Variants in E2F7 observed in about 807,000 individuals in gnomAD.
E2F7 encodes E2F transcription factor 7.
A neutral mutation model predicts 81.1 loss-of-function variants in E2F7; 35 were observed. The ratio of observed to expected loss-of-function variants is 0.43; its 90% CI spans 0.33 to 0.57. E2F7 has a LOEUF of 0.57. Among genes scored for constraint, E2F7 ranks in the 20% least tolerant of loss-of-function variants. The pLI, the probability that E2F7 is intolerant of heterozygous loss-of-function variation, is 0.04. For synonymous variants in E2F7, 416 were observed against 416.2 expected (o/e 1.00, Z 0.01); for missense variants, 961 against 1,093.7 (o/e 0.88, Z 1.71).
intron 9 of E2F7, 33 bp downstream of exon 9, chr12:77,033,017 A>C: frequency 6.3e-7 from 1 of 1,587,240 alleles, no homozygotes; most frequent in Non-Finnish European, 8.6e-7. Flanking sequence ...GAGATAGAAA[A>C]GAATACACTC....
Position 77,054,651 on chromosome 12 carries a change from G to T in E2F7, c.369+1204C>A, listed in dbSNP as rs1955017418. Among the ~76,000 whole-genome samples, 3 of 152,054 alleles carry T rather than the reference G, an allele frequency of 2.0e-5. No homozygotes were observed. In the South Asian group the frequency reaches 6.2e-4, roughly 32 times the overall value. On this transcript the variant is annotated intron_variant, in intron 3 of 12. Transcript: ENST00000322886. ...TGGGTAGAAAACCAAAATTTTAATT[G>T]TTTTAGGGGCGTGTTAAACAACTAG...
chr12:77,064,877 AGT>A (rs1462656577), intron 1 of E2F7, among the ~76,000 whole-genome samples: 1 of 152,226 alleles, frequency 6.6e-6, no homozygotes, highest in Non-Finnish European at 1.5e-5. Flanking sequence ...CTACAAAAAT[AGT>A]AACTCCTTAT....
chr12:77,057,106 G>A (rs1282508069), intron 2 of E2F7, among the ~76,000 whole-genome samples: 1 of 151,830 alleles, frequency 6.6e-6, no homozygotes, highest in African/African-American at 2.4e-5. Flanking sequence ...AGGCTGGAGG[G>A]CAGTGGCATG....
chr12:77,040,427 A>G (rs1954885292), intron 7 of E2F7, among the ~76,000 whole-genome samples: 1 of 152,234 alleles, frequency 6.6e-6, no homozygotes, highest in Non-Finnish European at 1.5e-5. Flanking sequence ...AAGGCAGAGT[A>G]CCGCCTGATT....
chr12:77,050,819 G>A (rs1167749018), intron 3 of E2F7, 75 bp from the exon 4 acceptor site: 9 of 1,495,532 alleles, frequency 6.0e-6, no homozygotes, highest in Non-Finnish European at 8.2e-6. Context: ...AATGGCCAGT[G>A]TTGGCAAACT....
intron 4 of E2F7, among the ~76,000 whole-genome samples, chr12:77,049,199 C>G (rs1437309453): frequency 6.6e-6 from 1 of 152,096 alleles, no homozygotes; most frequent in Non-Finnish European, 1.5e-5. Context: ...CATGTGAATG[C>G]AACTGATACA....
chr12:77,053,657 A>C (rs1182185994), intron 3 of E2F7, among the ~76,000 whole-genome samples: 2 of 152,236 alleles, frequency 1.3e-5, no homozygotes, highest in Admixed American at 1.3e-4. Flanking sequence ...TATTAGCCCT[A>C]AACTGCAAAC....
Position 77,056,036 on chromosome 12 carries a change from T to C in E2F7, c.188A>G (p.Glu63Gly), listed in dbSNP as rs767151292. The C allele has an allele frequency of 3.7e-6, 6 of 1,614,152 alleles. No homozygotes were observed. The South Asian group carries it at 6.6e-5, about 18-fold the overall frequency. ...CTTAACTGGAGTAATGGGATTTCTT[T>C]CTGGAGTAAATTTTTTTTGCTTCGA... ...DLSKQKKFTP[E>G]RNPITPVKFV... Residue 63 changes from glutamate to glycine, a missense_variant, in exon 3 of 13, where the codon GAA (glutamate) becomes GGA (glycine). By Grantham distance (98) the Glu-to-Gly change is moderately conservative (BLOSUM62 -2). Around this residue, in one of 3 missense-constraint regions of E2F7, gnomAD observed 301 missense variants for 405.0 expected, o/e 0.74. Transcript: ENST00000322886.
In E2F7 at chr12:77,053,034, T is replaced by C. The variant is rs80007060; in HGVS notation, c.370-2290A>G. Among the ~76,000 whole-genome samples the C allele has an allele frequency of 2.6e-3, 391 of 152,262 alleles. 13 individuals carry two copies. In the East Asian group the frequency reaches 0.066, roughly 26 times the overall value. On this transcript the variant is annotated intron_variant, in intron 3 of 12. Transcript: ENST00000322886. ...ACAATTTCAAGTGTCAGAGAGGATA[T>C]GGGTGACTAAAAGTTTATATATTTC...
intron 2 of E2F7, among the ~76,000 whole-genome samples, chr12:77,056,457 TA>T (rs1217438604): frequency 6.6e-6 from 1 of 152,218 alleles, no homozygotes; most frequent in African/African-American, 2.4e-5. Context: ...ATATTGTTTC[TA>T]AGTGTCACCT....
chr12:77,027,883 C>G lies in E2F7; in HGVS notation c.2140G>C (p.Gly714Arg). Residue 714 changes from glycine (G) to arginine (R), a missense_variant and splice_region_variant, in exon 11 of 13, where the codon GGA (glycine) becomes CGA (arginine). Gly to Arg is a moderately radical substitution (Grantham distance 125). Transcript: ENST00000322886. Reference protein sequence around the residue: ...LQYLCVQSPAGLNGFNVLLSG... With the variant: ...LQYLCVQSPARLNGFNVLLSG... ...TCTAAGACATGATGACATCCCTTAC[C>G]TGCAGGAGACTGCACACAAAGATAT... 1.2e-6 allele frequency: 2 copies of G among 1,613,940 alleles called. No homozygotes were observed. The highest frequency in any genetic ancestry group is 3.3e-5 in the Admixed American group (2 of 59,960).
intron 5 of E2F7, 125 bp from the exon 6 acceptor site, chr12:77,044,920 A>C (rs1565904869): frequency 6.3e-6 from 7 of 1,116,792 alleles, no homozygotes; most frequent in Non-Finnish European, 8.7e-6. Flanking sequence ...TCATTGGCAG[A>C]AGCTTACTGG....
At chr12:77,057,878 C>T (rs1367543962) in intron 2 of E2F7, among the ~76,000 whole-genome samples, 1 of 152,160 alleles carries the variant, frequency 6.6e-6, no homozygotes, top group Non-Finnish European at 1.5e-5. Context: ...CTTCCCTGTA[C>T]ATTCTGTATA....
At chr12:77,049,191 T>G (rs1180336745) in intron 4 of E2F7, among the ~76,000 whole-genome samples, 1 of 152,106 alleles carries the variant, frequency 6.6e-6, no homozygotes, top group Non-Finnish European at 1.5e-5. Flanking sequence ...AGAAATGCCA[T>G]GTGAATGCAA....
rs753606942 is a variant in E2F7 at position 77,033,903 on chromosome 12, C to T, written c.1263G>A (p.Gln421=). The change falls in exon 8 of 13, where the codon CAG becomes CAA. Residue 421 remains glutamine (Q), a synonymous_variant. Transcript: ENST00000322886. ...FNTVQASERI[Q]RKVNSEPSSP... is the part of the protein sequence containing the mutation. ...TGCTCGGTTCTGAGTTCACTTTCCT[C>T]TGGATCCTCTCAGAAGCCTGAACTG... 5.0e-6 allele frequency: 8 copies of T among 1,614,008 alleles called. No individual in the cohort carries two copies. The East Asian group carries it at 1.3e-4, about 27-fold the overall frequency.
chr12:77,042,250 G>A (rs1013064505), intron 7 of E2F7, among the ~76,000 whole-genome samples: 4 of 152,194 alleles, frequency 2.6e-5, no homozygotes, highest in African/African-American at 9.7e-5. Context: ...ATACGCACTG[G>A]GTTGAATTTG....
At chr12:77,056,412 G>C (rs2120745690) in intron 2 of E2F7, among the ~76,000 whole-genome samples, 1 of 152,310 alleles carries the variant, frequency 6.6e-6, no homozygotes, top group South Asian at 2.1e-4. Context: ...GTTTATAACA[G>C]ATGAGGACTA....
intron 10 of E2F7, among the ~76,000 whole-genome samples, chr12:77,028,720 C>T (rs1457912500): frequency 6.6e-6 from 1 of 152,128 alleles, no homozygotes; most frequent in Non-Finnish European, 1.5e-5. Flanking sequence ...GTGATCCGCC[C>T]GCCTCGGCCT....
intron 5 of E2F7, 52 bp from the exon 6 acceptor site, chr12:77,044,847 A>T: frequency 6.3e-7 from 1 of 1,586,564 alleles, no homozygotes. Context: ...TCTACAAGAA[A>T]GACTATACTT....
Sources: allele counts gnomAD v4.1 joint callset (sites outside exome capture counted in the v4.1 genomes callset), GRCh38; gene constraint gnomAD v4.1.1; regional missense constraint gnomAD v4.1.1; transcripts MANE v1.5; gene names NCBI Gene and HGNC (gene_info 2026-07-23, HGNC 2026-07-21).